The following LINGO2 variants were observed in gnomAD, a reference collection of about 807,000 sequenced individuals.
LINGO2 encodes the protein leucine-rich repeat and immunoglobulin-like domain-containing nogo receptor-interacting protein 2.
A neutral mutation model predicts 30.6 loss-of-function variants in LINGO2; 14 were observed. The observed-to-expected ratio is 0.46, with a 90% CI of 0.30 to 0.72. LINGO2 has a LOEUF of 0.72. Among genes scored for constraint, LINGO2 ranks in the 30% least tolerant of loss-of-function variants. The pLI is 0.07. For synonymous variants in LINGO2, 317 were observed against 288.5 expected, an observed-to-expected ratio of 1.10 and a Z score of -1.00; for missense variants, 729 against 751.7, an observed-to-expected ratio of 0.97 and a Z score of 0.35.
chr9:28,829,914 T>C, the LINGO2 span, among the ~76,000 whole-genome samples: 3 of 152,092 alleles, frequency 2.0e-5, no homozygotes, highest in East Asian at 5.8e-4. Flanking sequence ...GAAAGAGGTA[T>C]AAAAGTAGTT....
chr9:28,730,752 G>T, the LINGO2 span, among the ~76,000 whole-genome samples: 1 of 152,006 alleles, frequency 6.6e-6, no homozygotes, highest in African/African-American at 2.4e-5. Context: ...ACACATTAGG[G>T]AAACTCAAGC....
At chr9:28,193,819 A>C (rs1382295610) in intron 4 of LINGO2, among the ~76,000 whole-genome samples, 3 of 152,122 alleles carry the variant, frequency 2.0e-5, no homozygotes, top group Non-Finnish European at 2.9e-5. Context: ...ACAATCAGAG[A>C]CTGGAGTAAC....
At chr9:29,193,676 C>T in the LINGO2 span, among the ~76,000 whole-genome samples, 1 of 152,160 alleles carries the variant, frequency 6.6e-6, no homozygotes, top group East Asian at 1.9e-4. Context: ...GGCATCTTTA[C>T]TGTTTTCCCT....
the LINGO2 span, among the ~76,000 whole-genome samples, chr9:28,806,122 C>A: frequency 6.6e-6 from 1 of 151,988 alleles, no homozygotes; most frequent in Non-Finnish European, 1.5e-5. Context: ...GACCAGAATG[C>A]AATAATTTGC....
chr9:28,640,948 T>C (rs993816522), intron 1 of LINGO2, among the ~76,000 whole-genome samples: 3 of 152,168 alleles, frequency 2.0e-5, no homozygotes, highest in African/African-American at 7.2e-5. Context: ...TTTCCCCATC[T>C]TCATGGTTTT....
chr9:28,395,587 A>G (rs10812802), intron 2 of LINGO2, among the ~76,000 whole-genome samples: 49,969 of 152,090 alleles, frequency 0.33, 8,433 homozygotes, highest in Middle Eastern at 0.47. Context: ...TCTCCAGGGC[A>G]TATACCCATA....
At chr9:28,466,880 G>C (rs552620482) in intron 2 of LINGO2, among the ~76,000 whole-genome samples, 206 of 152,206 alleles carry the variant, frequency 1.4e-3, no homozygotes, top group Non-Finnish European at 2.2e-3. Flanking sequence ...GCATATTGTT[G>C]AACTTTAGAA....
At chr9:28,559,212 C>T (rs1279239110) in intron 1 of LINGO2, among the ~76,000 whole-genome samples, 2 of 152,116 alleles carry the variant, frequency 1.3e-5, no homozygotes, top group African/African-American at 4.8e-5. Context: ...TACTAATACT[C>T]TCCAGAGAGG....
In LINGO2 at chr9:28,016,788, C is replaced by T. The variant is rs996047034; in HGVS notation, c.-86-4383G>A. Among the ~76,000 whole-genome samples, 5 of 151,774 alleles carry T rather than the reference C, an allele frequency of 3.3e-5. No homozygotes were observed. The East Asian group carries it at 5.8e-4, about 18-fold the overall frequency. On this transcript the variant is annotated intron_variant, in intron 4 of 5. Transcript: ENST00000379992. ...TAAAGAAGAGCTGGTATCAATCCTACGGAAAATAGTCCAAAAAATTGAGGA... is the reference window on the plus strand; with the variant it reads ...TAAAGAAGAGCTGGTATCAATCCTATGGAAAATAGTCCAAAAAATTGAGGA...
chr9:28,997,965 A>T, the LINGO2 span, among the ~76,000 whole-genome samples: 1 of 152,232 alleles, frequency 6.6e-6, no homozygotes, highest in Non-Finnish European at 1.5e-5. Context: ...AGCCTTATGA[A>T]GTAGCTGTTA....
At chr9:28,902,243 C>T in the LINGO2 span, among the ~76,000 whole-genome samples, 1 of 151,808 alleles carries the variant, frequency 6.6e-6, no homozygotes, top group African/African-American at 2.4e-5. Flanking sequence ...TGAATAAAAC[C>T]TAAAGAGAGC....
At chr9:28,810,107 A>T in the LINGO2 span, among the ~76,000 whole-genome samples, 1 of 148,938 alleles carries the variant, frequency 6.7e-6, no homozygotes, top group African/African-American at 2.5e-5. Flanking sequence ...GTCCACATTA[A>T]TGTTCATCAT....
intron 4 of LINGO2, among the ~76,000 whole-genome samples, chr9:28,026,506 C>T (rs1823382057): frequency 6.6e-6 from 1 of 152,196 alleles, no homozygotes; most frequent in Admixed American, 6.5e-5. Context: ...TGTAGTCACA[C>T]TTTGAGAACC....
chr9:28,796,886 T>G, the LINGO2 span, among the ~76,000 whole-genome samples: 6 of 151,638 alleles, frequency 4.0e-5, no homozygotes, highest in Admixed American at 1.3e-4. Context: ...TGAGATATAT[T>G]TTAGTATTGG....
the LINGO2 span, among the ~76,000 whole-genome samples, chr9:28,681,587 G>A: frequency 6.6e-6 from 1 of 152,076 alleles, no homozygotes; most frequent in Non-Finnish European, 1.5e-5. Flanking sequence ...ATGTCTCCAA[G>A]AAGAAAAGGG....
chr9:28,243,195 C>CG (rs1407963601), intron 4 of LINGO2, among the ~76,000 whole-genome samples: 8 of 149,900 alleles, frequency 5.3e-5, no homozygotes, highest in Admixed American at 5.3e-4. Flanking sequence ...TGGTAGCTCA[C>CG]GCCTGTAATC....
the LINGO2 span, among the ~76,000 whole-genome samples, chr9:28,846,396 T>C: frequency 6.7e-6 from 1 of 149,196 alleles, no homozygotes; most frequent in East Asian, 2.0e-4. Flanking sequence ...GCTTTTGCCA[T>C]AAAACTTTCT....
At chr9:28,468,533 G>A (rs766801435) in intron 2 of LINGO2, among the ~76,000 whole-genome samples, 1 of 152,084 alleles carries the variant, frequency 6.6e-6, no homozygotes, top group Admixed American at 6.6e-5. Context: ...AACATCTAAG[G>A]CCCCAAGAAG....
the LINGO2 span, among the ~76,000 whole-genome samples, chr9:28,731,093 C>T: frequency 2.0e-5 from 3 of 151,954 alleles, no homozygotes; most frequent in Admixed American, 1.3e-4. Context: ...CGGATTGAAG[C>T]GATTCTCCTG....
Sources: gnomAD v4.1 joint callset for allele counts (sites outside exome capture counted in the v4.1 genomes callset) on GRCh38, gnomAD v4.1.1 for gene constraint, MANE v1.5 for transcripts, NCBI Gene and HGNC (gene_info 2026-07-23, HGNC 2026-07-21) for gene names.